TRHDE: variants seen among roughly 807,000 people sequenced by gnomAD.
The protein encoded by TRHDE is thyrotropin-releasing hormone-degrading ectoenzyme.
A neutral mutation model predicts 125.7 loss-of-function variants in TRHDE; 72 were observed. The observed-to-expected ratio is 0.57, with a 90% CI of 0.47 to 0.70. TRHDE has a LOEUF of 0.70. Among genes scored for constraint, TRHDE ranks in the 30% least tolerant of loss-of-function variants. The pLI is 0.00. For missense variants in TRHDE, 1,110 were observed against 1,327.1 expected (o/e 0.84, Z 2.54); for synonymous variants, 509 against 509.1 (o/e 1.00, Z 0.00).
chr12:72,508,593 A>G (rs1388701452), intron 6 of TRHDE, among the ~76,000 whole-genome samples: 1 of 152,090 alleles, frequency 6.6e-6, no homozygotes, highest in East Asian at 1.9e-4. Flanking sequence ...ACTTGTTTGG[A>G]TTTTATAGGC....
intron 2 of TRHDE, among the ~76,000 whole-genome samples, chr12:72,191,318 G>C (rs962015336): frequency 6.6e-6 from 1 of 152,088 alleles, no homozygotes; most frequent in African/African-American, 2.4e-5. Flanking sequence ...TATTGTATCA[G>C]GGACAGCAGC....
chr12:72,454,681 C>T (rs982395170), intron 3 of TRHDE, among the ~76,000 whole-genome samples: 2 of 152,092 alleles, frequency 1.3e-5, no homozygotes, highest in Non-Finnish European at 2.9e-5. Context: ...GTCTGTGATT[C>T]CCAAACTTTA....
rs1354453030 is a variant in TRHDE, at chr12:72,189,005, C to T, written n.279+83253C>T. On this transcript the variant is annotated intron_variant and non_coding_transcript_variant, in intron 2 of 4. Coordinates refer to the TRHDE transcript ENST00000548156. ...TTTATTCCTACTCATTTTCTGTCCT[C>T]TCAGAAATGAGGATAATAAAATGCA... Among the ~76,000 whole-genome samples the T allele has an allele frequency of 2.0e-5, 3 of 152,184 alleles. No homozygotes were observed. The East Asian group carries it at 5.8e-4, about 29-fold the overall frequency.
intron 3 of TRHDE, among the ~76,000 whole-genome samples, chr12:72,395,017 A>G (rs2135795282): frequency 6.6e-6 from 1 of 152,360 alleles, no homozygotes; most frequent in Non-Finnish European, 1.5e-5. Context: ...AAGCTAATTG[A>G]CATATGCATT....
chr12:72,520,940 G>GTT (rs1879165237), intron 6 of TRHDE, among the ~76,000 whole-genome samples: 1 of 152,136 alleles, frequency 6.6e-6, no homozygotes, highest in Non-Finnish European at 1.5e-5. Flanking sequence ...TGTTCCCAGA[G>GTT]TTTTACCAGA....
At chr12:72,442,527 C>T (rs922522353) in intron 3 of TRHDE, among the ~76,000 whole-genome samples, 7 of 151,822 alleles carry the variant, frequency 4.6e-5, no homozygotes, top group African/African-American at 1.5e-4. Flanking sequence ...CTGCATTTGG[C>T]GTTATTGATC....
At chr12:72,104,676 C>G (rs1015955818) in intron 1 of TRHDE, among the ~76,000 whole-genome samples, 3 of 152,130 alleles carry the variant, frequency 2.0e-5, no homozygotes, top group African/African-American at 7.2e-5. Flanking sequence ...ATAATTAAAG[C>G]TGAAAATAGC....
chr12:72,333,292 T>A (rs1300982849), intron 2 of TRHDE, among the ~76,000 whole-genome samples: 1 of 152,212 alleles, frequency 6.6e-6, no homozygotes, highest in Non-Finnish European at 1.5e-5. Context: ...CCAATATGTA[T>A]TGATGTCCTA....
At chr12:72,417,900 A>G (rs1267533187) in intron 3 of TRHDE, among the ~76,000 whole-genome samples, 2 of 151,966 alleles carry the variant, frequency 1.3e-5, no homozygotes, top group Non-Finnish European at 1.5e-5. Context: ...CATATTTTTT[A>G]TTAAGTGCAG....
rs946439961 is a variant in TRHDE, at chr12:72,285,511, CT to C, written c.915-1163del. Among the ~76,000 whole-genome samples, 10 of 140,372 alleles carry C rather than the reference CT, an allele frequency of 7.1e-5. No individual in the cohort carries two copies. In the South Asian group the frequency reaches 9.2e-4, roughly 13 times the overall value. 92.1% of individuals were successfully genotyped at this position (140,372 alleles called of 152,430 possible). ...TTATTTAGAAGAGTGTCTGAGTGTC[CT>C]TTTTTTCTTCTTTTTTTTTTTTTTT... On this transcript the variant is annotated intron_variant, in intron 1 of 18. Transcript: ENST00000261180.
intron 12 of TRHDE, among the ~76,000 whole-genome samples, chr12:72,605,585 T>C (rs1186557423): frequency 6.6e-6 from 1 of 152,176 alleles, no homozygotes; most frequent in Non-Finnish European, 1.5e-5. Flanking sequence ...ATGAAACATA[T>C]TTTTTCTTTC....
chr12:72,478,981 C>T (rs937494463), intron 5 of TRHDE, among the ~76,000 whole-genome samples: 2 of 137,786 alleles, frequency 1.5e-5, no homozygotes, highest in African/African-American at 5.5e-5. Context: ...GTTACACTAA[C>T]AGGTTAAACT....
intron 3 of TRHDE, among the ~76,000 whole-genome samples, chr12:72,434,598 G>A (rs988353584): frequency 6.6e-6 from 1 of 151,914 alleles, no homozygotes; most frequent in Non-Finnish European, 1.5e-5. Context: ...CAAAAATAAA[G>A]GTTTCTCAAC....
intron 3 of TRHDE, among the ~76,000 whole-genome samples, chr12:72,457,636 C>T (rs1875923125): frequency 1.3e-5 from 2 of 151,130 alleles, no homozygotes; most frequent in Admixed American, 6.6e-5. Context: ...GACTAAGAAC[C>T]AAACATTTGG....
chr12:72,611,824 T>C (rs1872643495), intron 12 of TRHDE, among the ~76,000 whole-genome samples: 1 of 152,174 alleles, frequency 6.6e-6, no homozygotes, highest in Non-Finnish European at 1.5e-5. Flanking sequence ...TAGAATGATG[T>C]TTATGATTAC....
chr12:72,154,707 T>C (rs1876460571), intron 2 of TRHDE, among the ~76,000 whole-genome samples: 1 of 152,234 alleles, frequency 6.6e-6, no homozygotes. Context: ...TCTTTAAGAA[T>C]GTTGAATATT....
intron 2 of TRHDE, among the ~76,000 whole-genome samples, chr12:72,135,637 C>T (rs922363746): frequency 2.0e-5 from 3 of 151,766 alleles, no homozygotes; most frequent in Non-Finnish European, 4.4e-5. Context: ...TCTGAAAGGA[C>T]TCACAAGGGC....
At chr12:72,606,231 C>T (rs895526047) in intron 12 of TRHDE, among the ~76,000 whole-genome samples, 2 of 152,080 alleles carry the variant, frequency 1.3e-5, no homozygotes, top group African/African-American at 4.8e-5. Flanking sequence ...GACTGTTTGA[C>T]TGGTTTCGGA....
At chr12:72,442,510 T>A (rs115060120) in intron 3 of TRHDE, among the ~76,000 whole-genome samples, 3,403 of 152,006 alleles carry the variant, frequency 0.022, 121 homozygotes, top group African/African-American at 0.078. Context: ...CTATCTGCAT[T>A]TCCTTGCTGC....
Sources: allele counts gnomAD v4.1 joint callset (sites outside exome capture counted in the v4.1 genomes callset), GRCh38; gene constraint gnomAD v4.1.1; transcripts MANE v1.5; gene names NCBI Gene and HGNC (gene_info 2026-07-23, HGNC 2026-07-21).